The following ZMPSTE24 variants were observed in gnomAD, a reference collection of about 807,000 sequenced individuals.
ZMPSTE24 encodes CAAX prenyl protease 1 homolog.
In ZMPSTE24, 48 loss-of-function variants were observed where a neutral mutation model predicts 56.7. The observed-to-expected ratio is 0.85, with a 90% CI of 0.67 to 1.08. The LOEUF is 1.08. Ranked by LOEUF, ZMPSTE24 falls within the 50% of genes least tolerant of loss-of-function variation. The pLI is 0.00. For synonymous variants in ZMPSTE24, 172 were observed against 195.2 expected (o/e 0.88, Z 0.99); for missense variants, 503 against 548.7 (o/e 0.92, Z 0.83).
At chr1:40,267,906 A>G in intron 3 of ZMPSTE24, 34 bp downstream of exon 3, 1 of 1,581,806 alleles carries the variant, frequency 6.3e-7, no homozygotes, top group Non-Finnish European at 8.7e-7. Context: ...TTGTCATGGT[A>G]TTTCTTTTAG....
intron 9 of ZMPSTE24, among the ~76,000 whole-genome samples, chr1:40,291,482 C>T (rs1643843752): frequency 6.6e-6 from 1 of 152,176 alleles, no homozygotes; most frequent in African/African-American, 2.4e-5. Context: ...GTAAATGAAA[C>T]TTAAGAACAT....
rs996301433 is a variant in ZMPSTE24 at position 40,290,450 on chromosome 1, A to ATTTT, written c.1060-379_1060-376dup. Among the ~76,000 whole-genome samples, 154 of 82,582 alleles carry ATTTT rather than the reference A, an allele frequency of 1.9e-3. 34 individuals are homozygous for ATTTT. Among genetic ancestry groups the ATTTT allele is most frequent in the African/African-American group, 8.2e-3 (141 of 17,208 alleles). The allele number at this position is 82,582 out of a possible 152,430, so 54.2% of individuals were successfully genotyped here. Reference sequence around the variant, plus strand: ...TACCTTTCTTAAAATCACACTATGAATTTTTTTTTTTTTTTTTTTTTTTTT... The same window carrying ATTTT: ...TACCTTTCTTAAAATCACACTATGAATTTTTTTTTTTTTTTTTTTTTTTTTTTTT... On this transcript the variant is annotated intron_variant, in intron 8 of 9. Coordinates refer to ENST00000372759, the MANE Select transcript of ZMPSTE24 (RefSeq NM_005857.5).
In ZMPSTE24 at chr1:40,281,398, G is replaced by A; in HGVS notation, c.825G>A (p.Lys275=). 6.2e-7 allele frequency: 1 copy of A among 1,614,078 alleles called. No homozygotes were observed. Among genetic ancestry groups the A allele is most frequent in the Non-Finnish European group, 8.5e-7 (1 of 1,180,002 alleles). ...ATTTTTATGGCTTCTTCAAGAACAA[G>A]CGAATAGTTTTGTTTGACACTCTAC... ...NAYFYGFFKN[K]RIVLFDTLLE... is the part of the protein sequence containing the mutation. Residue 275 remains lysine, a synonymous_variant, in exon 7 of 10, where the codon AAG becomes AAA. Transcript: ENST00000372759.
intron 4 of ZMPSTE24, 128 bp from the exon 5 acceptor site, chr1:40,269,847 A>G: frequency 9.3e-7 from 1 of 1,071,406 alleles, no homozygotes; most frequent in Admixed American, 2.4e-5. Context: ...AATGTCATAT[A>G]ATATAGTTTC....
Position 40,292,594 on chromosome 1 carries a change from G to T in ZMPSTE24, c.1353G>T (p.Leu451Phe). ...DNLGFPVSDW[L>F]FSMWHYSHPP... ...TGGGATTCCCTGTTTCTGACTGGTT[G>T]TTCTCAATGTGGCATTATTCTCATC... is the stretch of plus-strand genomic sequence containing the variant. Residue 451 changes from leucine to phenylalanine, a missense_variant, in exon 10 of 10, where the codon TTG becomes TTT. Leu to Phe is a conservative substitution (Grantham distance 22). Coordinates refer to ENST00000372759, the MANE Select transcript of ZMPSTE24 (RefSeq NM_005857.5). The T allele has an allele frequency of 6.2e-7, 1 of 1,614,100 alleles. No homozygotes were observed. Among genetic ancestry groups the T allele is most frequent in the South Asian group, 1.1e-5 (1 of 91,080 alleles).
chr1:40,272,922 G>A (rs1013331913), intron 6 of ZMPSTE24, among the ~76,000 whole-genome samples: 33 of 152,246 alleles, frequency 2.2e-4, no homozygotes, highest in South Asian at 1.7e-3. Flanking sequence ...TTAGCTTTGC[G>A]GGCCACTTGT....
At chr1:40,283,799 C>G (rs563368566) in intron 7 of ZMPSTE24, among the ~76,000 whole-genome samples, 1 of 152,168 alleles carries the variant, frequency 6.6e-6, no homozygotes, top group Admixed American at 6.5e-5. Flanking sequence ...GTTTTCAGGG[C>G]TCCTCTTACT....
chr1:40,273,516 T>TAAAAAAAAAAAA (rs1205861105), intron 6 of ZMPSTE24, among the ~76,000 whole-genome samples: 1 of 10,584 alleles, frequency 9.4e-5, no homozygotes, highest in African/African-American at 5.7e-4. Flanking sequence ...AAATTCTGTC[T>TAAAAAAAAAAAA]AAAAAAAAAA....
rs1242168007 is a variant in ZMPSTE24 at position 40,269,986 on chromosome 1, C to T, written c.486C>T (p.Phe162=). Residue 162 remains phenylalanine (F), a synonymous_variant, in exon 5 of 10, where the codon TTC becomes TTT. Coordinates refer to ENST00000372759, the MANE Select transcript of ZMPSTE24 (RefSeq NM_005857.5). ...TTTTCTTTTTGCAGACTTTGGGGTT[C>T]TTCATGAAAGATGCAATCAAGAAAT... ...KHGFNQQTLG[F]FMKDAIKKFV... is the part of the protein sequence containing the mutation. The T allele has an allele frequency of 1.9e-6, 3 of 1,613,130 alleles. No individual in the cohort carries two copies. The highest frequency in any genetic ancestry group is 2.5e-6 in the Non-Finnish European group (3 of 1,179,790).
intron 6 of ZMPSTE24, among the ~76,000 whole-genome samples, chr1:40,275,170 A>G (rs1389836156): frequency 6.6e-6 from 1 of 151,222 alleles, no homozygotes; most frequent in Non-Finnish European, 1.5e-5. Flanking sequence ...TTGTAATCTC[A>G]GCACTTGGGG....
chr1:40,284,927 CTTT>C (rs201590300), intron 7 of ZMPSTE24, among the ~76,000 whole-genome samples: 6 of 126,976 alleles, frequency 4.7e-5, no homozygotes, highest in Admixed American at 8.3e-5. Flanking sequence ...AACATCATCC[CTTT>C]TTTTTTTTTT....
At chr1:40,273,059 G>A (rs958537308) in intron 6 of ZMPSTE24, among the ~76,000 whole-genome samples, 4 of 152,208 alleles carry the variant, frequency 2.6e-5, no homozygotes, top group African/African-American at 9.7e-5. Flanking sequence ...GATTTGGCCT[G>A]TGAGCTACAG....
rs1430957778 is a variant in ZMPSTE24 at position 40,264,501 on chromosome 1, A to G, written c.271-3285A>G. On this transcript the variant is annotated intron_variant, in intron 2 of 9. Coordinates refer to ENST00000372759, the MANE Select transcript of ZMPSTE24 (RefSeq NM_005857.5). The stretch of plus-strand genomic sequence containing the variant: ...GTTACTTCAACCTCTCAGTTAAAGT[A>G]ACCTTTCAGTTAAAGAGTTTCAGTT... 2.0e-5 allele frequency among the ~76,000 whole-genome samples: 3 copies of G among 152,172 alleles called. No homozygotes were observed. The East Asian group carries it at 5.8e-4, about 29-fold the overall frequency.
intron 3 of ZMPSTE24, 49 bp from the exon 4 acceptor site, chr1:40,268,370 T>C (rs750483904): frequency 8.2e-7 from 1 of 1,222,376 alleles, no homozygotes. Flanking sequence ...TGTTGATTTG[T>C]TTGCCAGTAG....
chr1:40,280,996 A>G (rs892158517), intron 6 of ZMPSTE24, among the ~76,000 whole-genome samples: 18 of 152,206 alleles, frequency 1.2e-4, no homozygotes, highest in African/African-American at 2.4e-4. Flanking sequence ...ATCCTTCACA[A>G]TATATTGGTG....
In ZMPSTE24 at chr1:40,285,927, T is replaced by C. The variant is rs751905156; in HGVS notation, c.957T>C (p.Asn319=). 13 of 1,612,574 alleles carry C rather than the reference T, an allele frequency of 8.1e-6. No homozygotes were observed. In the South Asian group the frequency reaches 1.3e-4, roughly 16 times the overall value. The change falls in exon 8 of 10, where the codon AAT becomes AAC. Residue 319 remains asparagine (N), a splice_region_variant and synonymous_variant. Transcript: ENST00000372759. ...ATTTTTGATTTTTTTTTATTCAGAA[T>C]AAGAAACAAGGATGTAAAAATGAGG... ...NSEEIKAKVK[N]KKQGCKNEEV...
intron 8 of ZMPSTE24, 129 bp from the exon 9 acceptor site, chr1:40,290,725 G>A: frequency 9.3e-7 from 1 of 1,073,354 alleles, no homozygotes; most frequent in South Asian, 1.4e-5. Flanking sequence ...GCCTCCCAAA[G>A]TGCTGGGATT....
At chr1:40,285,526 C>T (rs1643778056) in intron 7 of ZMPSTE24, among the ~76,000 whole-genome samples, 1 of 152,180 alleles carries the variant, frequency 6.6e-6, no homozygotes, top group South Asian at 2.1e-4. Context: ...AGGCGTGAGC[C>T]ACTGCAATTG....
At position 40,271,948 on chromosome 1, in the gene ZMPSTE24, C is replaced by T. The variant is rs1433407750; in HGVS notation, c.682C>T (p.Pro228Ser). ...YIAPLFDKFT[P>S]LPEGKLKEEI... ...TGCCCCTTTATTTGACAAATTCACA[C>T]CTCTGCCTGAGGGAAAGCTTAAAGA... The change falls in exon 6 of 10, where the codon CCT becomes TCT. Residue 228 changes from proline to serine, a missense_variant. Physicochemically the swap from Pro to Ser is moderately conservative, Grantham distance 74 (BLOSUM62 -1). Transcript: ENST00000372759. 1.2e-6 allele frequency: 2 copies of T among 1,613,678 alleles called. No individual in the cohort carries two copies. The highest frequency in any genetic ancestry group is 8.5e-7 in the Non-Finnish European group (1 of 1,179,758).
Sources: gnomAD v4.1 joint callset for allele counts (sites outside exome capture counted in the v4.1 genomes callset) on GRCh38, gnomAD v4.1.1 for gene constraint, MANE v1.5 for transcripts, NCBI Gene and HGNC (gene_info 2026-07-23, HGNC 2026-07-21) for gene names.